The following RABGAP1L variants were observed in gnomAD, a reference collection of about 807,000 sequenced individuals.
The protein encoded by RABGAP1L is RAB GTPase activating protein 1 like, also known as rab GTPase-activating protein 1-like.
In RABGAP1L, 63 loss-of-function variants were observed where a neutral mutation model predicts 137.7. The observed-to-expected ratio is 0.46, with a 90% CI of 0.37 to 0.56. RABGAP1L has a LOEUF of 0.56. Ranked by LOEUF, RABGAP1L falls within the 20% of genes least tolerant of loss-of-function variation. The pLI, the probability that RABGAP1L is intolerant of heterozygous loss-of-function variation, is 0.00. For synonymous variants in RABGAP1L, 431 were observed against 433.7 expected, an observed-to-expected ratio of 0.99 and a Z score of 0.08; for missense variants, 1,095 against 1,244.0, an observed-to-expected ratio of 0.88 and a Z score of 1.80.
intron 13 of RABGAP1L, among the ~76,000 whole-genome samples, chr1:174,508,582 G>A (rs1053417556): frequency 1.3e-5 from 2 of 152,144 alleles, no homozygotes; most frequent in Admixed American, 6.5e-5. Flanking sequence ...ATTTGCAATT[G>A]TGTATTCTAC....
In RABGAP1L at chr1:174,988,814, G is replaced by T. The variant is rs1249941052; in HGVS notation, c.2979G>T (p.Leu993Phe). 2 of 1,537,068 alleles carry T rather than the reference G, an allele frequency of 1.3e-6. No homozygotes were observed. Among genetic ancestry groups the T allele is most frequent in the Non-Finnish European group, 1.8e-6 (2 of 1,142,828 alleles). Residue 993 changes from leucine to phenylalanine, a missense_variant, in exon 25 of 26, where the codon TTG (leucine) becomes TTT (phenylalanine). Physicochemically the swap from Leu to Phe is conservative, Grantham distance 22. Transcript: ENST00000681986. ...AACTGGCACAAACCAAACTGCAGTT[G>T]GTGGAGGCCAAGTGTAAAATTCAGG... ...ELELAQTKLQ[L>F]VEAKCKIQEL...
intron 17 of RABGAP1L, among the ~76,000 whole-genome samples, chr1:174,711,849 C>T (rs553095475): frequency 2.6e-5 from 4 of 152,320 alleles, no homozygotes; most frequent in South Asian, 2.1e-4. Context: ...ATCCACTAGG[C>T]GAAGCCAGCT....
intron 13 of RABGAP1L, among the ~76,000 whole-genome samples, chr1:174,460,416 A>G (rs934573342): frequency 1.3e-5 from 2 of 151,984 alleles, no homozygotes; most frequent in Admixed American, 6.6e-5. Flanking sequence ...CTTTTCTTCC[A>G]TTTCCCCCCT....
chr1:174,190,686 C>T (rs770993349), intron 1 of RABGAP1L, among the ~76,000 whole-genome samples: 4 of 152,212 alleles, frequency 2.6e-5, no homozygotes, highest in Non-Finnish European at 4.4e-5. Context: ...GTTCAGTGGA[C>T]TGGCACTTTA....
intron 13 of RABGAP1L, among the ~76,000 whole-genome samples, chr1:174,571,521 C>A (rs1032308738): frequency 6.6e-6 from 1 of 152,066 alleles, no homozygotes; most frequent in African/African-American, 2.4e-5. Context: ...TGTACCAAAA[C>A]ATCTCAATTA....
intron 18 of RABGAP1L, chr1:174,800,388 A>G (rs1264828059): frequency 9.0e-6 from 14 of 1,550,662 alleles, no homozygotes; most frequent in East Asian, 4.9e-5. Flanking sequence ...CCTCCTGTCA[A>G]AAAGTCCCAG....
At chr1:174,257,779 A>G (rs1418740506) in intron 7 of RABGAP1L, among the ~76,000 whole-genome samples, 1 of 152,256 alleles carries the variant, frequency 6.6e-6, no homozygotes, top group African/African-American at 2.4e-5. Context: ...GTTACTTTGA[A>G]TACATAAATG....
In RABGAP1L at chr1:174,611,751, C is replaced by A. The variant is rs910932679; in HGVS notation, c.1711-25624C>A. On this transcript the variant is annotated intron_variant, in intron 13 of 25. Transcript: ENST00000681986. ...TTTCCTTGAGCAGTGGTTTGTAGTT[C>A]TCCTTGAAGAGGTCCTTCACGTCCC... Among the ~76,000 whole-genome samples the A allele has an allele frequency of 2.6e-5, 4 of 152,030 alleles. No homozygotes were observed. In the East Asian group the frequency reaches 7.7e-4, roughly 29 times the overall value.
chr1:174,178,398 T>C (rs1280920644), intron 1 of RABGAP1L, among the ~76,000 whole-genome samples: 1 of 152,130 alleles, frequency 6.6e-6, no homozygotes, highest in Non-Finnish European at 1.5e-5. Flanking sequence ...TATAAATTAG[T>C]TCAGCCATTG....
chr1:174,503,941 C>T (rs1191162534), intron 13 of RABGAP1L, among the ~76,000 whole-genome samples: 1 of 150,272 alleles, frequency 6.7e-6, no homozygotes, highest in Non-Finnish European at 1.5e-5. Flanking sequence ...CTACCTAAAA[C>T]AATCTACAGA....
intron 19 of RABGAP1L, among the ~76,000 whole-genome samples, chr1:174,910,463 T>C (rs1659877409): frequency 1.3e-5 from 2 of 152,156 alleles, no homozygotes; most frequent in African/African-American, 4.8e-5. Flanking sequence ...TTGTACTGAC[T>C]GGGAAAAGTT....
At chr1:174,561,420 A>G (rs1667203451) in intron 13 of RABGAP1L, among the ~76,000 whole-genome samples, 1 of 152,210 alleles carries the variant, frequency 6.6e-6, no homozygotes, top group Non-Finnish European at 1.5e-5. Flanking sequence ...TATCGTGAAA[A>G]TGGCCATACT....
intron 17 of RABGAP1L, among the ~76,000 whole-genome samples, chr1:174,719,843 A>G (rs1439761812): frequency 1.3e-5 from 2 of 152,232 alleles, no homozygotes; most frequent in Non-Finnish European, 2.9e-5. Context: ...TGGAGGTGGT[A>G]GGAGTGACTC....
chr1:174,396,402 TTATC>T (rs1356159268), intron 13 of RABGAP1L, among the ~76,000 whole-genome samples: 1 of 152,100 alleles, frequency 6.6e-6, no homozygotes, highest in African/African-American at 2.4e-5. Flanking sequence ...GCATTTTTAA[TTATC>T]TTTTTTACAT....
At chr1:174,283,600 A>G (rs1457323605) in intron 10 of RABGAP1L, among the ~76,000 whole-genome samples, 2 of 151,514 alleles carry the variant, frequency 1.3e-5, no homozygotes, top group Non-Finnish European at 2.9e-5. Context: ...TCTGCCTCCC[A>G]GGTTCCAGTG....
chr1:174,762,369 A>G (rs1228129790), intron 18 of RABGAP1L, among the ~76,000 whole-genome samples: 1 of 152,162 alleles, frequency 6.6e-6, no homozygotes, highest in African/African-American at 2.4e-5. Flanking sequence ...TTCACTTAAG[A>G]GTCATCACAT....
intron 19 of RABGAP1L, among the ~76,000 whole-genome samples, chr1:174,941,341 C>T (rs1330489171): frequency 6.6e-6 from 1 of 152,158 alleles, no homozygotes; most frequent in East Asian, 1.9e-4. Flanking sequence ...TGGAAATACC[C>T]TAATGAGGAG....
chr1:174,980,615 G>T (rs1050955960), intron 23 of RABGAP1L, among the ~76,000 whole-genome samples: 3 of 152,198 alleles, frequency 2.0e-5, no homozygotes, highest in African/African-American at 4.8e-5. Context: ...AATTCATTTG[G>T]TAAGAGATTC....
At chr1:174,281,585 A>T (rs1016106510) in intron 10 of RABGAP1L, among the ~76,000 whole-genome samples, 1 of 152,200 alleles carries the variant, frequency 6.6e-6, no homozygotes, top group African/African-American at 2.4e-5. Flanking sequence ...GACATTAATT[A>T]GGTGTAAGTG....
Sources: allele counts gnomAD v4.1 joint callset (sites outside exome capture counted in the v4.1 genomes callset), GRCh38; gene constraint gnomAD v4.1.1; transcripts MANE v1.5; gene names NCBI Gene and HGNC (gene_info 2026-07-23, HGNC 2026-07-21).